The following UCHL5 variants were observed in gnomAD, a reference collection of about 807,000 sequenced individuals.
UCHL5 encodes the protein ubiquitin C-terminal hydrolase L5, also known as ubiquitin carboxyl-terminal hydrolase isozyme L5.
A neutral mutation model predicts 53.8 loss-of-function variants in UCHL5; 34 were observed. The ratio of observed to expected loss-of-function variants is 0.63; its 90% CI spans 0.48 to 0.84. UCHL5 has a LOEUF of 0.84. UCHL5 is among the 40% of genes least tolerant of loss of function. The pLI, the probability that UCHL5 is intolerant of heterozygous loss-of-function variation, is 0.00. For missense variants in UCHL5, 290 were observed against 385.6 expected (o/e 0.75, Z 2.08); for synonymous variants, 111 against 126.3 (o/e 0.88, Z 0.81).
intron 3 of UCHL5, among the ~76,000 whole-genome samples, chr1:193,044,604 T>A (rs780841147): frequency 1.3e-4 from 20 of 152,120 alleles, no homozygotes; most frequent in Non-Finnish European, 1.0e-4. Flanking sequence ...AAATAGCCAG[T>A]GTTACCTCTC....
chr1:193,031,319 T>A (rs1193445804), intron 3 of UCHL5, among the ~76,000 whole-genome samples: 1 of 152,146 alleles, frequency 6.6e-6, no homozygotes, highest in African/African-American at 2.4e-5. Flanking sequence ...AAAGATTTAA[T>A]ATATACCCAA....
chr1:193,018,036 A>G (rs1404944364), intron 10 of UCHL5, among the ~76,000 whole-genome samples: 1 of 151,560 alleles, frequency 6.6e-6, no homozygotes, highest in African/African-American at 2.4e-5. Flanking sequence ...TTCCTTCTAT[A>G]CAGTGTACCA....
chr1:193,059,720 T>C (rs756394454), upstream of UCHL5: 19 of 1,353,108 alleles, frequency 1.4e-5, no homozygotes, highest in Admixed American at 3.0e-4. The surrounding 1 kb of genome is among the most constrained non-coding windows in gnomAD (Gnocchi z 4.9). Context: ...TTCCCAGCGC[T>C]GCGCAGGACT....
At position 193,012,334 on chromosome 1, in the gene UCHL5, A is replaced by G. The variant is rs1372629401; in HGVS notation, c.*4017T>C. ...CAAAGAAGCATATTACATAAAATATATGGATAAGCTAAAAAGTAAATAGAG... is the reference window on the plus strand; with the variant it reads ...CAAAGAAGCATATTACATAAAATATGTGGATAAGCTAAAAAGTAAATAGAG... On this transcript the variant is annotated 3_prime_UTR_variant, in exon 11 of 11. Coordinates refer to ENST00000367454, the MANE Select transcript of UCHL5 (RefSeq NM_001199261.3). 6.6e-6 allele frequency: 1 copy of G among 152,230 alleles called. No individual in the cohort carries two copies. Among genetic ancestry groups the G allele is most frequent in the African/African-American group, 2.4e-5 (1 of 41,454 alleles). The allele number at this position is 152,230 out of a possible 1,614,324, so 9.4% of individuals were successfully genotyped here. A position where few individuals can be genotyped will look rare whatever the true frequency, so the allele number is the denominator to read the frequency against.
In UCHL5 at chr1:193,029,204, T is replaced by C; in HGVS notation, c.540A>G (p.Gly180=). ...PVNGRLYELD[G]LREGPIDLGA... is the part of the protein sequence containing the mutation. ...CTAAATCAATCGGTCCTTCTCTTAA[T>C]CCATCTAATTCATACAGTCTCCCAT... Residue 180 remains glycine (G), a synonymous_variant, in exon 6 of 11, where the codon GGA becomes GGG. Coordinates refer to ENST00000367454, the MANE Select transcript of UCHL5 (RefSeq NM_001199261.3). The C allele has an allele frequency of 6.2e-7, 1 of 1,613,260 alleles. No homozygotes were observed. The highest frequency in any genetic ancestry group is 8.5e-7 in the Non-Finnish European group (1 of 1,179,666).
chr1:193,017,267 A>G (rs1655177249), intron 10 of UCHL5, among the ~76,000 whole-genome samples: 1 of 151,780 alleles, frequency 6.6e-6, no homozygotes, highest in East Asian at 1.9e-4. Context: ...CCACTTCAGA[A>G]GAGTCAATGA....
At chr1:193,060,044 C>T (rs369237382), upstream of UCHL5, 11 of 1,340,594 alleles carry the variant, frequency 8.2e-6, no homozygotes, top group Non-Finnish European at 1.1e-5. Context: ...TCCTGCTTGT[C>T]GGCATCGCTC....
At chr1:193,020,399 G>GT (rs1656528334) in intron 10 of UCHL5, 2 of 1,546,800 alleles carry the variant, frequency 1.3e-6, no homozygotes, top group African/African-American at 2.7e-5. Context: ...ACACAGACCA[G>GT]TTGCATTAGA....
At chr1:193,024,065 G>T in intron 7 of UCHL5, 119 bp from the exon 8 acceptor site, 1 of 752,036 alleles carries the variant, frequency 1.3e-6, no homozygotes, top group Non-Finnish European at 2.1e-6. Flanking sequence ...CTATCAATTG[G>T]CTAGCAATAA....
intron 3 of UCHL5, among the ~76,000 whole-genome samples, chr1:193,045,889 A>G (rs1181811678): frequency 2.0e-5 from 3 of 152,224 alleles, no homozygotes; most frequent in Non-Finnish European, 4.4e-5. Context: ...AAATCACCTC[A>G]CAGACTTTTA....
intron 10 of UCHL5, chr1:193,020,383 T>C (rs772767405): frequency 6.5e-7 from 1 of 1,547,994 alleles, no homozygotes; most frequent in South Asian, 1.2e-5. Context: ...TTTCTCAAAC[T>C]GTGGTACACA....
chr1:193,036,151 C>T (rs966872153), intron 3 of UCHL5, among the ~76,000 whole-genome samples: 5 of 151,346 alleles, frequency 3.3e-5, no homozygotes, highest in South Asian at 2.1e-4. Flanking sequence ...AATAATAACA[C>T]TGAATGTAAA....
Position 193,035,232 on chromosome 1 carries a change from T to C in UCHL5, c.247-5575A>G, listed in dbSNP as rs111459077. On this transcript the variant is annotated intron_variant, in intron 3 of 10. Coordinates refer to ENST00000367454, the MANE Select transcript of UCHL5 (RefSeq NM_001199261.3). ...GATGAAAGTGAACTGCCTGTCTTTA[T>C]GCCAAAGGCAACAACCTAAAAAATA... Among the ~76,000 whole-genome samples the C allele has an allele frequency of 2.6e-5, 4 of 152,118 alleles. 1 individual carries two copies. The highest frequency in any genetic ancestry group is 9.6e-5 in the African/African-American group (4 of 41,564).
intron 3 of UCHL5, among the ~76,000 whole-genome samples, chr1:193,033,314 G>A (rs918834154): frequency 7.2e-5 from 11 of 152,066 alleles, no homozygotes; most frequent in African/African-American, 2.7e-4. Flanking sequence ...ACTCGTAAGC[G>A]GGAGTTCAAC....
chr1:193,036,530 C>A (rs765414413), intron 3 of UCHL5, among the ~76,000 whole-genome samples: 2 of 151,822 alleles, frequency 1.3e-5, no homozygotes, highest in African/African-American at 4.8e-5. Flanking sequence ...GTTTATAGAT[C>A]TAAAGCAAAT....
chr1:193,043,164 A>AAAAAAAAAAAAAC (rs1666229710), intron 3 of UCHL5, among the ~76,000 whole-genome samples: 1 of 148,024 alleles, frequency 6.8e-6, no homozygotes, highest in Non-Finnish European at 1.5e-5. Flanking sequence ...AAAAAAAAAA[A>AAAAAAAAAAAAAC]AAAAAAAAAA....
Position 193,058,128 on chromosome 1 carries a change from G to GA in UCHL5, c.76+1056dup, listed in dbSNP as rs1189024757. ...TGTAATCCCAGCTACTCGGGAGGCTGAAGTAGGAGATTCGCTTGACCCCGA... is the reference window on the plus strand; with the variant it reads ...TGTAATCCCAGCTACTCGGGAGGCTGAAAGTAGGAGATTCGCTTGACCCCGA... On this transcript the variant is annotated intron_variant, in intron 1 of 10. Transcript: ENST00000367454. Among the ~76,000 whole-genome samples the GA allele has an allele frequency of 2.6e-5, 4 of 152,236 alleles. No homozygotes were observed. The East Asian group carries it at 5.8e-4, about 22-fold the overall frequency.
At chr1:193,047,541 C>T (rs539758642) in intron 3 of UCHL5, among the ~76,000 whole-genome samples, 2 of 152,200 alleles carry the variant, frequency 1.3e-5, no homozygotes, top group South Asian at 4.1e-4. Context: ...AAACAAGTTA[C>T]TTAGTAGCAA....
At chr1:193,027,308 A>T (rs1463118165) in intron 7 of UCHL5, among the ~76,000 whole-genome samples, 3 of 152,190 alleles carry the variant, frequency 2.0e-5, no homozygotes, top group African/African-American at 7.2e-5. Flanking sequence ...TGAATATACA[A>T]TTACCCCAAA....
Sources: allele counts gnomAD v4.1 joint callset (sites outside exome capture counted in the v4.1 genomes callset), GRCh38; gene constraint gnomAD v4.1.1; non-coding constraint Gnocchi (gnomAD v3.1); transcripts MANE v1.5; gene names NCBI Gene and HGNC (gene_info 2026-07-23, HGNC 2026-07-21).